The following SCFD2 variants were observed in gnomAD, a reference collection of about 807,000 sequenced individuals.
The protein encoded by SCFD2 is sec1 family domain-containing protein 2.
SCFD2 carries 54 observed loss-of-function variants against 58.9 expected under a neutral mutation model. That is an observed-to-expected ratio of 0.92 (90% confidence interval 0.74 to 1.15). The LOEUF is 1.15. SCFD2 is among the 50% of genes most tolerant of loss of function. SCFD2 has a pLI of 0.00. For synonymous variants in SCFD2, 321 were observed against 335.9 expected (o/e 0.96, Z 0.49); for missense variants, 805 against 836.6 (o/e 0.96, Z 0.47).
intron 5 of SCFD2, among the ~76,000 whole-genome samples, chr4:52,994,886 C>G (rs1721707511): frequency 6.6e-6 from 1 of 152,126 alleles, no homozygotes; most frequent in African/African-American, 2.4e-5. Context: ...CAAACACCTA[C>G]TATGTTAATG....
chr4:53,329,381 C>A (rs1458516930), intron 2 of SCFD2, among the ~76,000 whole-genome samples: 1 of 152,058 alleles, frequency 6.6e-6, no homozygotes, highest in African/African-American at 2.4e-5. Context: ...GTTCTCCCAG[C>A]ACGCAGCTGG....
chr4:53,363,660 A>G (rs1734612271), intron 1 of SCFD2, among the ~76,000 whole-genome samples: 1 of 151,956 alleles, frequency 6.6e-6, no homozygotes, highest in Admixed American at 6.5e-5. Context: ...CGTCTCTACT[A>G]AAAATACGAA....
intron 5 of SCFD2, among the ~76,000 whole-genome samples, chr4:52,934,192 T>C (rs1437356342): frequency 6.6e-6 from 1 of 152,210 alleles, no homozygotes; most frequent in East Asian, 1.9e-4. Flanking sequence ...CACACTAGCA[T>C]ACAACCTCCT....
At chr4:53,182,466 C>G (rs1434096973) in intron 4 of SCFD2, among the ~76,000 whole-genome samples, 2 of 152,218 alleles carry the variant, frequency 1.3e-5, no homozygotes, top group Non-Finnish European at 2.9e-5. Context: ...AACGCTGAAA[C>G]TGGATCCCTT....
rs1461888447 is a variant in SCFD2, at chr4:53,045,983, A to C, written c.1561+99350T>G. 3.0e-4 allele frequency among the ~76,000 whole-genome samples: 45 copies of C among 152,124 alleles called. 1 individual carries two copies. Among genetic ancestry groups the C allele is most frequent in the Admixed American group, 3.0e-3 (45 of 15,254 alleles). Reference sequence around the variant, plus strand: ...AAGAGATCAGTTTGCTAACCATCCCATCTTAAAGATGGGGAAACTAAAGAT... The same window carrying C: ...AAGAGATCAGTTTGCTAACCATCCCCTCTTAAAGATGGGGAAACTAAAGAT... On this transcript the variant is annotated intron_variant, in intron 5 of 8. Transcript: ENST00000401642.
rs71913452 is a variant in SCFD2 at position 52,941,087 on chromosome 4, ATT to A, written c.1562-20219_1562-20218del. 3.0e-4 allele frequency among the ~76,000 whole-genome samples: 44 copies of A among 147,726 alleles called. 1 individual carries two copies. The highest frequency in any genetic ancestry group is 1.0e-3 in the African/African-American group (41 of 40,842). ...ATAAAAAACCATGCTAAATCCTGGC[ATT>A]TTTTTTTTTCCTGCAGAAGAGAAGG... On this transcript the variant is annotated intron_variant, in intron 5 of 8. Transcript: ENST00000401642.
chr4:53,001,573 C>T (rs1327933602), intron 5 of SCFD2, among the ~76,000 whole-genome samples: 1 of 152,092 alleles, frequency 6.6e-6, no homozygotes, highest in African/African-American at 2.4e-5. Context: ...ACTAGTTTTC[C>T]ACATGAAAGG....
chr4:53,196,753 G>A (rs1292418742), intron 4 of SCFD2, among the ~76,000 whole-genome samples: 1 of 151,398 alleles, frequency 6.6e-6, no homozygotes, highest in African/African-American at 2.4e-5. Context: ...AAAGGGGTGG[G>A]GGAAGGAGAA....
At chr4:53,007,321 AGAGAGAGAGAGAGG>A (rs1411897754) in intron 5 of SCFD2, among the ~76,000 whole-genome samples, 1 of 132,660 alleles carries the variant, frequency 7.5e-6, no homozygotes, top group Non-Finnish European at 1.6e-5. Context: ...AGAGAGAGAG[AGAGAGAGAGAGAGG>A]GAGAGAGAGA....
At chr4:53,226,153 A>G (rs1378701960) in intron 4 of SCFD2, among the ~76,000 whole-genome samples, 1 of 152,066 alleles carries the variant, frequency 6.6e-6, no homozygotes, top group Non-Finnish European at 1.5e-5. Flanking sequence ...CACTCCCCTC[A>G]TCAATTGTTC....
chr4:53,315,246 C>CAAA (rs72060767), intron 2 of SCFD2, among the ~76,000 whole-genome samples: 15 of 79,580 alleles, frequency 1.9e-4, no homozygotes, highest in African/African-American at 7.0e-4. Context: ...AGGAAAATGG[C>CAAA]AAAAAAAAAA....
chr4:53,248,790 C>CA (rs1360881977), intron 4 of SCFD2, among the ~76,000 whole-genome samples: 5 of 152,166 alleles, frequency 3.3e-5, no homozygotes, highest in Non-Finnish European at 7.3e-5. Flanking sequence ...ACACCCACAC[C>CA]AAAAACCCAT....
In SCFD2 at chr4:53,325,033, C is replaced by A. The variant is rs1020363371; in HGVS notation, c.1008-11270G>T. On this transcript the variant is annotated intron_variant, in intron 2 of 8. Transcript: ENST00000401642. ...AAGAGAAGATACATATGATCCCCAA[C>A]CAACAATCAGGCCCTCTATCTCCAA... Among the ~76,000 whole-genome samples, 11 of 152,266 alleles carry A rather than the reference C, an allele frequency of 7.2e-5. No homozygotes were observed. The South Asian group carries it at 2.1e-3, about 29-fold the overall frequency.
In SCFD2 at chr4:53,210,486, C is replaced by G. The variant is rs570245853; in HGVS notation, c.1311+63340G>C. ...TCCAGAAGCTATGTGATGTGTGATA[C>G]GACAACAGATTGAATGCAGAAGGAG... On this transcript the variant is annotated intron_variant, in intron 4 of 8. Transcript: ENST00000401642. Among the ~76,000 whole-genome samples the G allele has an allele frequency of 8.7e-4, 132 of 152,080 alleles. 1 individual carries two copies. Among genetic ancestry groups the G allele is most frequent in the African/African-American group, 3.1e-3 (128 of 41,418 alleles).
intron 5 of SCFD2, among the ~76,000 whole-genome samples, chr4:53,003,916 A>G (rs1400914285): frequency 1.3e-5 from 2 of 152,342 alleles, no homozygotes; most frequent in South Asian, 2.1e-4. Flanking sequence ...ACAGTTTTCA[A>G]ACCCCTGAGG....
rs184874425 is a variant in SCFD2 at position 53,165,465 on chromosome 4, G to A, written c.1312-19883C>T. ...CTGTAATCTCAGAGATCCATGGCAT[G>A]CAATGGAATCTCCACTCCTTGCACT... On this transcript the variant is annotated intron_variant, in intron 4 of 8. Coordinates refer to ENST00000401642, the MANE Select transcript of SCFD2 (RefSeq NM_152540.4). Among the ~76,000 whole-genome samples the A allele has an allele frequency of 1.8e-3, 273 of 152,162 alleles. 6 individuals carry two copies. The highest frequency in any genetic ancestry group is 0.018 in the Admixed American group (269 of 15,274).
intron 5 of SCFD2, among the ~76,000 whole-genome samples, chr4:53,034,184 A>G (rs1430509396): frequency 2.0e-5 from 3 of 152,182 alleles, no homozygotes; most frequent in Non-Finnish European, 4.4e-5. Flanking sequence ...AACGTAATCC[A>G]TCACATAAAC....
At chr4:53,172,066 T>C (rs997855085) in intron 4 of SCFD2, among the ~76,000 whole-genome samples, 4 of 151,772 alleles carry the variant, frequency 2.6e-5, no homozygotes, top group African/African-American at 9.7e-5. Flanking sequence ...AGTGCAGTGG[T>C]GTGATCTTCG....
At chr4:53,038,108 A>T (rs1407503453) in intron 5 of SCFD2, among the ~76,000 whole-genome samples, 1 of 152,232 alleles carries the variant, frequency 6.6e-6, no homozygotes, top group Non-Finnish European at 1.5e-5. Context: ...TTTGAATAAT[A>T]ATTGGTAACA....
Sources: allele counts gnomAD v4.1 joint callset (sites outside exome capture counted in the v4.1 genomes callset), GRCh38; gene constraint gnomAD v4.1.1; transcripts MANE v1.5; gene names NCBI Gene and HGNC (gene_info 2026-07-23, HGNC 2026-07-21).